The following FGF14 variants were observed in gnomAD, a reference collection of about 807,000 sequenced individuals.
The protein encoded by FGF14 is fibroblast growth factor homologous factor 4.
Under a neutral mutation model 25.5 loss-of-function variants are expected in FGF14, and 5 were observed. The ratio of observed to expected loss-of-function variants is 0.20; its 90% CI spans 0.10 to 0.41. The LOEUF is 0.41. Among genes scored for constraint, FGF14 ranks in the 10% least tolerant of loss-of-function variants. The pLI, the probability that FGF14 is intolerant of heterozygous loss-of-function variation, is 1.00. For missense variants in FGF14, 222 were observed against 320.1 expected (o/e 0.69, Z 2.34); for synonymous variants, 138 against 118.3 (o/e 1.17, Z -1.08).
chr13:102,361,243 C>G (rs1427599419), intron 1 of FGF14, among the ~76,000 whole-genome samples: 1 of 152,144 alleles, frequency 6.6e-6, no homozygotes. Flanking sequence ...AGGCTCAGCA[C>G]TCTTCACCTG....
intron 2 of FGF14, 96 bp downstream of exon 2, chr13:101,875,090 A>G: frequency 1.2e-6 from 1 of 844,852 alleles, no homozygotes; most frequent in South Asian, 1.4e-5. Context: ...ATGAACCAAC[A>G]CGACCAAACA....
intron 1 of FGF14, among the ~76,000 whole-genome samples, chr13:102,156,996 T>G (rs538991408): frequency 2.4e-4 from 36 of 152,138 alleles, no homozygotes; most frequent in East Asian, 3.9e-4. Flanking sequence ...CACTGCTGAA[T>G]GAAATAAAAG....
intron 1 of FGF14, among the ~76,000 whole-genome samples, chr13:102,158,323 T>C (rs1177939250): frequency 7.9e-5 from 12 of 152,140 alleles, no homozygotes; most frequent in Non-Finnish European, 1.6e-4. Flanking sequence ...ATGTACACCA[T>C]GGAATACTAT....
At chr13:102,059,586 C>A (rs1424866222) in intron 1 of FGF14, among the ~76,000 whole-genome samples, 4 of 152,238 alleles carry the variant, frequency 2.6e-5, no homozygotes, top group African/African-American at 9.6e-5. Flanking sequence ...CACAGTGACT[C>A]ACGCCTGTAA....
chr13:102,275,546 T>TA (rs2053494826), intron 1 of FGF14, among the ~76,000 whole-genome samples: 2 of 152,142 alleles, frequency 1.3e-5, no homozygotes, highest in African/African-American at 4.8e-5. Context: ...TATTCAGCCA[T>TA]AAAGGCATTC....
intron 1 of FGF14, among the ~76,000 whole-genome samples, chr13:102,118,450 G>C (rs1366181369): frequency 6.6e-6 from 1 of 151,888 alleles, no homozygotes; most frequent in African/African-American, 2.4e-5. Flanking sequence ...CCAAATATTG[G>C]TTACTACAGA....
At chr13:101,956,521 G>T (rs1234881299) in intron 1 of FGF14, among the ~76,000 whole-genome samples, 1 of 152,042 alleles carries the variant, frequency 6.6e-6, no homozygotes, top group East Asian at 1.9e-4. Flanking sequence ...TCACTCTCTG[G>T]CTAGATTCTC....
chr13:101,975,268 G>A (rs985250684), intron 1 of FGF14, among the ~76,000 whole-genome samples: 11 of 152,076 alleles, frequency 7.2e-5, no homozygotes, highest in African/African-American at 2.2e-4. Context: ...GGGCCCAGCT[G>A]CTTCCCCAGG....
intron 1 of FGF14, among the ~76,000 whole-genome samples, chr13:102,300,920 GACAC>G (rs565433977): frequency 2.3e-5 from 2 of 85,962 alleles, no homozygotes; most frequent in East Asian, 3.5e-4. Flanking sequence ...TATGCACACA[GACAC>G]ACACACACAC....
intron 1 of FGF14, among the ~76,000 whole-genome samples, chr13:102,204,376 C>T (rs991000199): frequency 2.0e-5 from 3 of 152,132 alleles, no homozygotes; most frequent in African/African-American, 7.2e-5. Flanking sequence ...ATAAACTGGA[C>T]AACCTCATCT....
Position 102,161,558 on chromosome 13 carries a change from CTTTCTGTGAAGAAAGAAA to C in FGF14, c.208+239895_208+239912del, listed in dbSNP as rs1180846058. ...ATATCAATATTCTCTATGCAACCAA[CTTTCTGTGAAGAAAGAAA>C]GAAGAAGAAGAAGAAGAAGAAGAAG... On this transcript the variant is annotated intron_variant, in intron 1 of 4. Transcript: ENST00000376131. Among the ~76,000 whole-genome samples the C allele has an allele frequency of 4.3e-4, 8 of 18,658 alleles. No homozygotes were observed. In the South Asian group the frequency reaches 0.024, roughly 56 times the overall value. 12.2% of individuals were successfully genotyped at this position (18,658 alleles called of 152,430 possible).
rs757879324 is a variant in FGF14, at chr13:101,722,904, G to A, written c.671C>T (p.Thr224Met). 2.7e-5 allele frequency: 43 copies of A among 1,613,106 alleles called. No homozygotes were observed. Among genetic ancestry groups the A allele is most frequent in the African/African-American group, 4.0e-5 (3 of 74,792 alleles). ...AGACGCACTTGTGCTTTTACTTGGC[G>A]TCACCCCAGGCTTCGGGACCGTTTC... ...VGETVPKPGV[T>M]PSKSTSASAI... Residue 224 changes from threonine (T) to methionine (M), a missense_variant, in exon 5 of 5, where the codon ACG (threonine) becomes ATG (methionine). Coordinates refer to ENST00000376143, the MANE Select transcript of FGF14 (RefSeq NM_004115.4).
At chr13:102,288,937 T>G (rs1170573566) in intron 1 of FGF14, among the ~76,000 whole-genome samples, 2 of 152,100 alleles carry the variant, frequency 1.3e-5, no homozygotes, top group African/African-American at 4.8e-5. Flanking sequence ...CTCTATATTC[T>G]GTGAATTTGT....
intron 1 of FGF14, among the ~76,000 whole-genome samples, chr13:101,948,744 G>A (rs2035975185): frequency 6.6e-6 from 1 of 151,944 alleles, no homozygotes; most frequent in South Asian, 2.1e-4. Context: ...CAAATAAAAA[G>A]GAAGTTTGGC....
chr13:101,711,020 A>G lies in FGF14; in HGVS notation c.*11811T>C, dbSNP rs1486364883. 2 of 152,224 alleles carry G rather than the reference A, an allele frequency of 1.3e-5. No individual in the cohort carries two copies. The highest frequency in any genetic ancestry group is 2.9e-5 in the Non-Finnish European group (2 of 68,030). 9.4% of individuals were successfully genotyped at this position (152,224 alleles called of 1,614,324 possible). A position where few individuals can be genotyped will look rare whatever the true frequency, so the allele number is the denominator to read the frequency against. ...TCCAACATTAGTAATGGAATGGGCA[A>G]CTGACAAAGGTGCCTTGCCCTTAGA... On this transcript the variant is annotated 3_prime_UTR_variant, in exon 5 of 5. Transcript: ENST00000376143.
chr13:101,982,580 A>G (rs2038332781), intron 1 of FGF14, among the ~76,000 whole-genome samples: 1 of 152,170 alleles, frequency 6.6e-6, no homozygotes, highest in Non-Finnish European at 1.5e-5. Context: ...ATAGATCACA[A>G]CAATTCATCT....
At chr13:102,121,026 G>A in intron 1 of FGF14, among the ~76,000 whole-genome samples, 1 of 152,148 alleles carries the variant, frequency 6.6e-6, no homozygotes, top group Non-Finnish European at 1.5e-5. Flanking sequence ...TTAAATTAGG[G>A]ACTGAGTACT....
chr13:101,892,535 T>A (rs1295308157), intron 1 of FGF14, among the ~76,000 whole-genome samples: 2 of 152,174 alleles, frequency 1.3e-5, no homozygotes, highest in African/African-American at 2.4e-5. Flanking sequence ...TATGACTCAC[T>A]ACCACGTCCC....
At chr13:102,257,145 G>A (rs2052479822) in intron 1 of FGF14, among the ~76,000 whole-genome samples, 1 of 151,942 alleles carries the variant, frequency 6.6e-6, no homozygotes, top group Non-Finnish European at 1.5e-5. Context: ...CACAACAATA[G>A]TATCAGAGTA....
Sources: allele counts gnomAD v4.1 joint callset (sites outside exome capture counted in the v4.1 genomes callset), GRCh38; gene constraint gnomAD v4.1.1; transcripts MANE v1.5; gene names NCBI Gene and HGNC (gene_info 2026-07-23, HGNC 2026-07-21).